DOCK4: variants seen among roughly 807,000 people sequenced by gnomAD.
DOCK4 encodes dedicator of cytokinesis protein 4.
A neutral mutation model predicts 268.1 loss-of-function variants in DOCK4; 97 were observed. The ratio of observed to expected loss-of-function variants is 0.36; its 90% CI spans 0.31 to 0.43. The LOEUF (loss-of-function observed/expected upper bound fraction) is 0.43. Among genes scored for constraint, DOCK4 ranks in the 20% least tolerant of loss-of-function variants. DOCK4 has a pLI of 1.00. For synonymous variants in DOCK4, 954 were observed against 887.2 expected, an observed-to-expected ratio of 1.08 and a Z score of -1.34; for missense variants, 2,145 against 2,455.7, an observed-to-expected ratio of 0.87 and a Z score of 2.67.
intron 1 of DOCK4, among the ~76,000 whole-genome samples, chr7:112,193,764 T>C (rs908188838): frequency 1.3e-5 from 2 of 151,978 alleles, no homozygotes; most frequent in Non-Finnish European, 1.5e-5. Context: ...CTACAATCCC[T>C]AAAATGTCTT....
rs1002756718 is a variant in DOCK4, at chr7:111,732,421, G to C, written c.5420-134C>G. The C allele has an allele frequency of 6.1e-6, 5 of 821,116 alleles. No individual in the cohort carries two copies. In the African/African-American group the frequency reaches 6.8e-5, roughly 11 times the overall value. 50.9% of individuals were successfully genotyped at this position (821,116 alleles called of 1,614,324 possible). ...ACCTTCTAAGCAAAGGGGGTGGTGA[G>C]GATGGGGGAGAAGCTAAATGATGCC... On this transcript the variant is annotated intron_variant, in intron 51 of 52. Coordinates refer to ENST00000428084, the MANE Select transcript of DOCK4 (RefSeq NM_001363540.2).
intron 8 of DOCK4, among the ~76,000 whole-genome samples, chr7:111,963,890 T>TCCCTGAC (rs1797156272): frequency 1.3e-5 from 1 of 76,398 alleles, no homozygotes. Flanking sequence ...CTCAAGTGGG[T>TCCCTGAC]CCCTGACCCC....
At chr7:112,181,053 C>G (rs927556666) in intron 1 of DOCK4, among the ~76,000 whole-genome samples, 1 of 152,150 alleles carries the variant, frequency 6.6e-6, no homozygotes, top group African/African-American at 2.4e-5. Context: ...AAAATAACTT[C>G]AAATGTTGTT....
At chr7:111,983,856 G>GCACACACACACA (rs1454832356) in intron 7 of DOCK4, among the ~76,000 whole-genome samples, 1 of 92,002 alleles carries the variant, frequency 1.1e-5, no homozygotes, top group Non-Finnish European at 2.6e-5. Flanking sequence ...GCGCGCGCGC[G>GCACACACACACA]CGCGCGCACA....
chr7:111,984,303 T>C lies in DOCK4; in HGVS notation c.549+3A>G. ...ACTGGAAGCCAAGATTTCCTGTACC[T>C]ACCAATCGGTAGAGCTCAGTAATGC... On this transcript the variant is annotated splice_donor_region_variant and intron_variant, in intron 7 of 52. Coordinates refer to ENST00000428084, the MANE Select transcript of DOCK4 (RefSeq NM_001363540.2). 6.2e-7 allele frequency: 1 copy of C among 1,610,034 alleles called. No homozygotes were observed. Among genetic ancestry groups the C allele is most frequent in the Non-Finnish European group, 8.5e-7 (1 of 1,178,174 alleles).
chr7:111,836,441 C>T (rs1395981425), intron 25 of DOCK4, among the ~76,000 whole-genome samples: 1 of 151,918 alleles, frequency 6.6e-6, no homozygotes, highest in Non-Finnish European at 1.5e-5. Flanking sequence ...AAAAAATCCA[C>T]CTGTCAACAA....
chr7:112,091,358 G>C (rs1420778048), intron 1 of DOCK4, among the ~76,000 whole-genome samples: 2 of 152,150 alleles, frequency 1.3e-5, no homozygotes, highest in Non-Finnish European at 2.9e-5. Context: ...AGGCAGAGAG[G>C]AGGAGAGATG....
intron 47 of DOCK4, among the ~76,000 whole-genome samples, chr7:111,740,522 C>T (rs1795834649): frequency 6.6e-6 from 1 of 150,468 alleles, no homozygotes; most frequent in Non-Finnish European, 1.5e-5. Flanking sequence ...CACTTGAGGT[C>T]AGGAGTTCGA....
At chr7:111,865,191 G>A (rs1438206551) in intron 22 of DOCK4, among the ~76,000 whole-genome samples, 1 of 152,236 alleles carries the variant, frequency 6.6e-6, no homozygotes, top group African/African-American at 2.4e-5. Flanking sequence ...TCATGGGTTA[G>A]CAGGTGTGTG....
intron 1 of DOCK4, among the ~76,000 whole-genome samples, chr7:112,089,549 A>T (rs1809431985): frequency 6.6e-6 from 1 of 152,192 alleles, no homozygotes; most frequent in African/African-American, 2.4e-5. Context: ...TGAATCAAAT[A>T]CTAAATTACG....
chr7:111,900,619 C>A, intron 14 of DOCK4, 83 bp from the exon 15 acceptor site: 1 of 1,394,766 alleles, frequency 7.2e-7, no homozygotes, highest in East Asian at 2.5e-5. Context: ...TTTGCTCTAT[C>A]TGCCTGCCTC....
intron 1 of DOCK4, among the ~76,000 whole-genome samples, chr7:112,062,973 G>A (rs943666979): frequency 1.3e-5 from 2 of 152,090 alleles, no homozygotes; most frequent in Admixed American, 6.6e-5. Flanking sequence ...CACCATGCCC[G>A]GTCACTTTCA....
intron 1 of DOCK4, among the ~76,000 whole-genome samples, chr7:112,159,610 C>T (rs1020137639): frequency 2.0e-5 from 3 of 152,026 alleles, no homozygotes; most frequent in African/African-American, 4.8e-5. Flanking sequence ...GGATGTGTCA[C>T]GTTCCGTCCA....
At chr7:112,059,882 T>A (rs947869625) in intron 1 of DOCK4, among the ~76,000 whole-genome samples, 1 of 152,290 alleles carries the variant, frequency 6.6e-6, no homozygotes, top group East Asian at 1.9e-4. Context: ...TCAAAGTCTA[T>A]ACAAACTCAG....
At chr7:112,144,423 C>G (rs1274971168) in intron 1 of DOCK4, among the ~76,000 whole-genome samples, 1 of 152,158 alleles carries the variant, frequency 6.6e-6, no homozygotes, top group Non-Finnish European at 1.5e-5. Flanking sequence ...GGCCCATACT[C>G]GGGAACAGTT....
At chr7:111,960,981 A>G (rs1423833809) in intron 8 of DOCK4, among the ~76,000 whole-genome samples, 1 of 152,152 alleles carries the variant, frequency 6.6e-6, no homozygotes, top group African/African-American at 2.4e-5. Context: ...ATAGTGCTGC[A>G]GTCAACATGG....
chr7:111,732,311 A>G lies in DOCK4; in HGVS notation c.5420-24T>C, dbSNP rs747899440. On this transcript the variant is annotated intron_variant, in intron 51 of 52. Coordinates refer to ENST00000428084, the MANE Select transcript of DOCK4 (RefSeq NM_001363540.2). ...AGCTGTCAATGGGGAGAGAGATAAC[A>G]TTTCAATTAAGAAAAACCAGACGAT... The G allele has an allele frequency of 1.1e-5, 17 of 1,612,940 alleles. No homozygotes were observed. The Admixed American group carries it at 1.5e-4, about 14-fold the overall frequency.
At chr7:112,204,647 C>T (rs1821220821) in intron 1 of DOCK4, among the ~76,000 whole-genome samples, 1 of 151,968 alleles carries the variant, frequency 6.6e-6, no homozygotes, top group Admixed American at 6.6e-5. Context: ...AGTCACAATC[C>T]AGAATGGAAG....
chr7:111,920,308 T>C (rs2134573565), intron 12 of DOCK4, among the ~76,000 whole-genome samples: 1 of 152,344 alleles, frequency 6.6e-6, no homozygotes, highest in Non-Finnish European at 1.5e-5. Flanking sequence ...CTCACTGCTA[T>C]AAAATATGAG....
Sources: gnomAD v4.1 joint callset for allele counts (sites outside exome capture counted in the v4.1 genomes callset) on GRCh38, gnomAD v4.1.1 for gene constraint, MANE v1.5 for transcripts, NCBI Gene and HGNC (gene_info 2026-07-23, HGNC 2026-07-21) for gene names.